MDN1: variants seen among roughly 807,000 people sequenced by gnomAD.
The protein encoded by MDN1 is midasin AAA ATPase 1, also known as midasin.
Under a neutral mutation model 669.2 loss-of-function variants are expected in MDN1, and 266 were observed. The ratio of observed to expected loss-of-function variants is 0.40; its 90% CI spans 0.36 to 0.44. MDN1 has a LOEUF of 0.44. MDN1 is among the 20% of genes least tolerant of loss of function. The probability of loss-of-function intolerance (pLI) is 1.00; values close to 1 mark genes in which losing one functional copy is unlikely to be tolerated. For missense variants in MDN1, 5,940 were observed against 6,754.0 expected (o/e 0.88, Z 4.22); for synonymous variants, 2,385 against 2,457.1 (o/e 0.97, Z 0.87).
chr6:89,650,144 A>C lies in MDN1; in HGVS notation c.16086T>G (p.Ile5362Met). ...TCTTGTCTTTCCGAAATTGACTAGC[A>C]ATGTATGGAATGACTTTCCGTATGT... ...RLNIRKVIPY[I>M]ASQFRKDKIW... is the part of the protein sequence containing the mutation. Residue 5362 changes from isoleucine to methionine, a missense_variant, in exon 97 of 102, where the codon ATT (isoleucine) becomes ATG (methionine). Physicochemically the swap from Ile to Met is conservative, Grantham distance 10. This residue lies in a region of MDN1 where 2,280 missense variants were observed against 2,576.3 expected (regional missense o/e 0.88). Coordinates refer to ENST00000369393, the MANE Select transcript of MDN1 (RefSeq NM_014611.3). 6.2e-7 allele frequency: 1 copy of C among 1,614,194 alleles called. No individual in the cohort carries two copies. Among genetic ancestry groups the C allele is most frequent in the Non-Finnish European group, 8.5e-7 (1 of 1,180,024 alleles).
chr6:89,671,012 G>A lies in MDN1; in HGVS notation c.13863C>T (p.Val4621=), dbSNP rs758300024. 1 of 1,614,138 alleles carries A rather than the reference G, an allele frequency of 6.2e-7. No individual in the cohort carries two copies. The highest frequency in any genetic ancestry group is 1.7e-5 in the Admixed American group (1 of 60,010). The part of the protein sequence containing the change: ...VPVLSSYSDL[V]LFFLTMSLAT... ...CTAAAGACATGGTCAGGAAGAAGAG[G>A]ACGAGGTCTGAGTAGCTGGAGAGGA... Residue 4621 remains valine (V), a synonymous_variant, in exon 83 of 102, where the codon GTC becomes GTT. Transcript: ENST00000369393.
In MDN1 at chr6:89,662,296, G is replaced by A. The variant is rs571727905; in HGVS notation, c.14413-57C>T. 253 of 1,548,962 alleles carry A rather than the reference G, an allele frequency of 1.6e-4. No homozygotes were observed. In the South Asian group the frequency reaches 1.7e-3, roughly 11 times the overall value. On this transcript the variant is annotated intron_variant, in intron 86 of 101. Transcript: ENST00000369393. ...ACACTCAATCCAAGAAACTGCTTCT[G>A]CATGGGTTGACTTTTAGACATGCAT...
Position 89,655,926 on chromosome 6 carries a change from T to G in MDN1, c.15328A>C (p.Met5110Leu), listed in dbSNP as rs370583860. The G allele has an allele frequency of 6.8e-6, 11 of 1,614,072 alleles. No individual in the cohort carries two copies. The highest frequency in any genetic ancestry group is 7.6e-6 in the Non-Finnish European group (9 of 1,180,010). Residue 5110 changes from methionine (M) to leucine (L), a missense_variant, in exon 92 of 102, where the codon ATG becomes CTG. By Grantham distance (15) the Met-to-Leu change is conservative. This residue lies in a region of MDN1 where 2,280 missense variants were observed against 2,576.3 expected (regional missense o/e 0.88). Transcript: ENST00000369393. The part of the protein sequence containing the change: ...KPGQADNERS[M>L]GDHNERVHKR... ...TGCACACGCTCATTGTGATCACCCA[T>G]GGAACGTTCATTGTCAGCCTGCCCA...
chr6:89,658,393 A>C (rs745499725), intron 89 of MDN1, 23 bp from the exon 90 acceptor site: 1 of 1,613,802 alleles, frequency 6.2e-7, no homozygotes, highest in South Asian at 1.1e-5. Flanking sequence ...AATCAAACAC[A>C]GCATTAAATG....
intron 7 of MDN1, among the ~76,000 whole-genome samples, chr6:89,788,980 C>T (rs1421463717): frequency 6.6e-6 from 1 of 151,996 alleles, no homozygotes; most frequent in Non-Finnish European, 1.5e-5. Flanking sequence ...AAAAATTAGC[C>T]GGCCATGGTG....
intron 33 of MDN1, among the ~76,000 whole-genome samples, chr6:89,736,769 G>A (rs1235767411): frequency 6.6e-6 from 1 of 152,164 alleles, no homozygotes; most frequent in African/African-American, 2.4e-5. Context: ...ACTCCAGCCT[G>A]GGTGACAGAG....
At chr6:89,669,818 T>C (rs1810511907) in intron 83 of MDN1, among the ~76,000 whole-genome samples, 1 of 151,976 alleles carries the variant, frequency 6.6e-6, no homozygotes, top group Non-Finnish European at 1.5e-5. Context: ...CTACTGCCCC[T>C]GAGTTTCAAG....
At chr6:89,685,752 G>T in intron 70 of MDN1, 75 bp downstream of exon 70, 1 of 1,519,226 alleles carries the variant, frequency 6.6e-7, no homozygotes. Context: ...CAAGGCACCT[G>T]TCTCATGCAG....
chr6:89,743,378 T>G, intron 30 of MDN1, 98 bp from the exon 31 acceptor site: 1 of 1,489,576 alleles, frequency 6.7e-7, no homozygotes, highest in South Asian at 1.2e-5. Flanking sequence ...GTAGGCATTC[T>G]GAGGAAAGTA....
chr6:89,682,067 A>C (rs1265093630), intron 73 of MDN1, among the ~76,000 whole-genome samples: 1 of 152,152 alleles, frequency 6.6e-6, no homozygotes, highest in African/African-American at 2.4e-5. Context: ...ATCACTGTTA[A>C]ATTTTCAGGA....
chr6:89,816,802 G>T (rs1028174269), intron 1 of MDN1, among the ~76,000 whole-genome samples: 13 of 151,690 alleles, frequency 8.6e-5, no homozygotes, highest in African/African-American at 2.9e-4. Flanking sequence ...AGCCACCTGA[G>T]TAGCTGGGAC....
intron 12 of MDN1, among the ~76,000 whole-genome samples, chr6:89,776,086 C>T (rs1818341632): frequency 6.6e-6 from 1 of 152,162 alleles, no homozygotes; most frequent in South Asian, 2.1e-4. Context: ...AGTTACATTC[C>T]TGAGTCTAAT....
rs372042258 is a variant in MDN1 at position 89,678,764 on chromosome 6, C to T, written c.12266-19G>A. 9.3e-5 allele frequency: 148 copies of T among 1,598,576 alleles called. No individual in the cohort carries two copies. Among genetic ancestry groups the T allele is most frequent in the African/African-American group, 2.4e-4 (18 of 74,282 alleles). ...ACTTCACCTGTAAGGGAAAACAAGG[C>T]GGGGAGGGGAGACAATAAGAAAATC... On this transcript the variant is annotated intron_variant, in intron 74 of 101. Coordinates refer to ENST00000369393, the MANE Select transcript of MDN1 (RefSeq NM_014611.3).
Position 89,803,548 on chromosome 6 carries a change from T to C in MDN1, c.109A>G (p.Thr37Ala). 1.2e-6 allele frequency: 2 copies of C among 1,607,590 alleles called. No individual in the cohort carries two copies. The highest frequency in any genetic ancestry group is 1.1e-5 in the South Asian group (1 of 90,324). Residue 37 changes from threonine (T) to alanine (A), a missense_variant, in exon 2 of 102, where the codon ACA becomes GCA. Coordinates refer to ENST00000369393, the MANE Select transcript of MDN1 (RefSeq NM_014611.3). Reference sequence around the variant, plus strand: ...AGGACACACTGGCGATCTTGAGGTGTCCACACCTGAGAAAGGCAAAACAAA... The same window carrying C: ...AGGACACACTGGCGATCTTGAGGTGCCCACACCTGAGAAAGGCAAAACAAA... The part of the protein sequence containing the change: ...LGRFLAKQVW[T>A]PQDRQCVLST...
chr6:89,800,859 C>T (rs1235757084), intron 2 of MDN1, among the ~76,000 whole-genome samples: 3 of 152,100 alleles, frequency 2.0e-5, no homozygotes, highest in African/African-American at 7.2e-5. Flanking sequence ...GATAGACAGT[C>T]TCAGAGTTGA....
intron 19 of MDN1, 71 bp downstream of exon 19, chr6:89,758,184 G>A (rs1817348327): frequency 8.0e-7 from 1 of 1,250,288 alleles, no homozygotes; most frequent in Non-Finnish European, 1.1e-6. Context: ...TCACGCCACT[G>A]CACTCCAACC....
At chr6:89,799,710 A>T (rs969758340) in intron 2 of MDN1, among the ~76,000 whole-genome samples, 2 of 152,190 alleles carry the variant, frequency 1.3e-5, no homozygotes, top group Non-Finnish European at 2.9e-5. Flanking sequence ...AGAAATAGTA[A>T]AGGTGATCAG....
At chr6:89,728,811 AAAG>A in intron 36 of MDN1, 117 bp downstream of exon 36, 1 of 1,123,066 alleles carries the variant, frequency 8.9e-7, no homozygotes, top group Non-Finnish European at 1.3e-6. Context: ...AAAGAAAAGA[AAAG>A]AAAAGAAAAA....
At chr6:89,710,879 C>T (rs1813860547) in intron 49 of MDN1, 85 bp from the exon 50 acceptor site, 1 of 762,156 alleles carries the variant, frequency 1.3e-6, no homozygotes. Flanking sequence ...TGTTCTACAG[C>T]TGCATAGAAT....
Sources: allele counts gnomAD v4.1 joint callset (sites outside exome capture counted in the v4.1 genomes callset), GRCh38; gene constraint gnomAD v4.1.1; regional missense constraint gnomAD v4.1.1; transcripts MANE v1.5; gene names NCBI Gene and HGNC (gene_info 2026-07-23, HGNC 2026-07-21).